The following CAND1 variants were observed in gnomAD, a reference collection of about 807,000 sequenced individuals.
CAND1 encodes the protein cullin associated and neddylation dissociated 1, also known as cullin-associated NEDD8-dissociated protein 1.
Under a neutral mutation model 108.5 loss-of-function variants are expected in CAND1, and 7 were observed. The ratio of observed to expected loss-of-function variants is 0.06; its 90% CI spans 0.04 to 0.12. CAND1 has a LOEUF of 0.12. Among genes scored for constraint, CAND1 ranks in the 10% least tolerant of loss-of-function variants. The pLI, the probability that CAND1 is intolerant of heterozygous loss-of-function variation, is 1.00. For synonymous variants in CAND1, 534 were observed against 512.0 expected (o/e 1.04, Z -0.58); for missense variants, 941 against 1,448.7 (o/e 0.65, Z 5.69).
chr12:67,279,369 A>G (rs1320059515), intron 1 of CAND1, among the ~76,000 whole-genome samples: 1 of 152,142 alleles, frequency 6.6e-6, no homozygotes, highest in Non-Finnish European at 1.5e-5. Flanking sequence ...CTGAAGAGAC[A>G]TGGACATGCC....
chr12:67,311,015 T>G (rs1284497303), intron 13 of CAND1: 1 of 152,042 alleles, frequency 6.6e-6, no homozygotes, highest in Non-Finnish European at 1.5e-5. Flanking sequence ...ATGCATTGTG[T>G]CTTTTTCATC....
At chr12:67,304,088 C>T (rs905252660) in intron 8 of CAND1, among the ~76,000 whole-genome samples, 1 of 150,520 alleles carries the variant, frequency 6.6e-6, no homozygotes, top group Non-Finnish European at 1.5e-5. Flanking sequence ...CTCCTGGGTT[C>T]AAGCGATTCT....
chr12:67,300,848 A>C (rs2044818183), intron 7 of CAND1, among the ~76,000 whole-genome samples: 1 of 152,148 alleles, frequency 6.6e-6, no homozygotes, highest in South Asian at 2.1e-4. Context: ...CTTTTGAAGA[A>C]AGCAGTAGCA....
In CAND1 at chr12:67,316,116, T is replaced by C. The variant is rs2045005256; in HGVS notation, c.*3286T>C. 1 of 152,214 alleles carries C rather than the reference T, an allele frequency of 6.6e-6. No homozygotes were observed. The highest frequency in any genetic ancestry group is 1.5e-5 in the Non-Finnish European group (1 of 68,030). 9.4% of individuals were successfully genotyped at this position (152,214 alleles called of 1,614,324 possible). A position where few individuals can be genotyped will look rare whatever the true frequency, so the allele number is the denominator to read the frequency against. ...GATTCTAGCTCTGTTTTAAATTGAATCCTAATTTTCAAACCACTGCTACCC... is the reference window on the plus strand; with the variant it reads ...GATTCTAGCTCTGTTTTAAATTGAACCCTAATTTTCAAACCACTGCTACCC... On this transcript the variant is annotated 3_prime_UTR_variant, in exon 15 of 15. Coordinates refer to ENST00000545606, the MANE Select transcript of CAND1 (RefSeq NM_018448.5).
At chr12:67,278,910 G>C (rs3850600) in intron 1 of CAND1, among the ~76,000 whole-genome samples, 1 of 152,120 alleles carries the variant, frequency 6.6e-6, no homozygotes, top group Non-Finnish European at 1.5e-5. Flanking sequence ...AATTTAAAAA[G>C]TTAATATGCC....
rs368986664 is a variant in CAND1, at chr12:67,314,688, C to T, written c.*1858C>T. 2.0e-5 allele frequency: 3 copies of T among 152,160 alleles called. No individual in the cohort carries two copies. Among genetic ancestry groups the T allele is most frequent in the African/African-American group, 7.2e-5 (3 of 41,440 alleles). The allele number at this position is 152,160 out of a possible 1,614,324, so 9.4% of individuals were successfully genotyped here. A position where few individuals can be genotyped will look rare whatever the true frequency, so the allele number is the denominator to read the frequency against. On this transcript the variant is annotated 3_prime_UTR_variant, in exon 15 of 15. Coordinates refer to ENST00000545606, the MANE Select transcript of CAND1 (RefSeq NM_018448.5). Reference sequence around the variant, plus strand: ...GTAAAGTTAAATCCAAATACTTCAACTGGCTTTTTCTTCAGTTTGTTTGTT... The same window carrying T: ...GTAAAGTTAAATCCAAATACTTCAATTGGCTTTTTCTTCAGTTTGTTTGTT...
rs1175231135 is a variant in CAND1 at position 67,305,391 on chromosome 12, A to C, written c.1723A>C (p.Arg575=). The part of the protein sequence containing the change: ...IKDLFTCTIK[R]LKAADIDQEV... ...AGATCTATTTACCTGTACCATTAAG[A>C]GATTAAAAGCAGCTGACATTGATCA... Residue 575 remains arginine, a synonymous_variant, in exon 10 of 15, where the codon AGA becomes CGA. Transcript: ENST00000545606. The surrounding 1 kb of genome is among the most constrained non-coding windows in gnomAD (Gnocchi z 4.4). 2 of 1,613,954 alleles carry C rather than the reference A, an allele frequency of 1.2e-6. No individual in the cohort carries two copies. The highest frequency in any genetic ancestry group is 1.3e-5 in the African/African-American group (1 of 74,910).
intron 3 of CAND1, among the ~76,000 whole-genome samples, chr12:67,294,358 G>A (rs1023389696): frequency 6.6e-6 from 1 of 151,888 alleles, no homozygotes; most frequent in African/African-American, 2.4e-5. Context: ...CGGAATCTTT[G>A]GGTTGGAAAG....
intron 2 of CAND1, among the ~76,000 whole-genome samples, chr12:67,282,710 A>G (rs1182573854): frequency 1.3e-5 from 2 of 152,210 alleles, no homozygotes; most frequent in African/African-American, 2.4e-5. Flanking sequence ...ACTAATAATA[A>G]AATTCTTAAT....
rs2044978865 is a variant in CAND1 at position 67,313,734 on chromosome 12, C to T, written c.*904C>T. ...ACCCATTTGTGTGTGTGTGATTCCA[C>T]TTAGAAATTCTTAAAACCAGATTTT... On this transcript the variant is annotated 3_prime_UTR_variant, in exon 15 of 15. Coordinates refer to ENST00000545606, the MANE Select transcript of CAND1 (RefSeq NM_018448.5). 1 of 152,522 alleles carries T rather than the reference C, an allele frequency of 6.6e-6. No homozygotes were observed. Among genetic ancestry groups the T allele is most frequent in the African/African-American group, 2.4e-5 (1 of 41,422 alleles). 9.4% of individuals were successfully genotyped at this position (152,522 alleles called of 1,614,324 possible).
rs558627116 is a variant in CAND1 at position 67,310,211 on chromosome 12, A to G, written c.3255A>G (p.Ala1085=). ...ATGGTCTGGATATTAGAAAGGCAGC[A>G]TTTGAGTGTATGTACACACTTCTAG... ...VDDGLDIRKA[A]FECMYTLLDS... Residue 1085 remains alanine (A), a synonymous_variant, in exon 13 of 15, where the codon GCA becomes GCG. Transcript: ENST00000545606. 33 of 1,612,656 alleles carry G rather than the reference A, an allele frequency of 2.0e-5. No homozygotes were observed. The highest frequency in any genetic ancestry group is 2.7e-5 in the Non-Finnish European group (32 of 1,178,932).
Position 67,312,686 on chromosome 12 carries a change from G to A in CAND1, c.3549G>A (p.Leu1183=), listed in dbSNP as rs1060350. ...KRSAMRAVAA[L]LTIPEAEKSP... The stretch of plus-strand genomic sequence containing the variant: ...CTGCCATGAGAGCAGTAGCAGCACT[G>A]CTAACCATTCCAGAAGCAGAGAAGA... The change falls in exon 15 of 15, where the codon CTG becomes CTA. Residue 1183 remains leucine, a synonymous_variant. Coordinates refer to ENST00000545606, the MANE Select transcript of CAND1 (RefSeq NM_018448.5). 905,811 of 1,612,692 alleles carry A rather than the reference G, an allele frequency of 0.56. 260,499 individuals are homozygous for A. Among genetic ancestry groups the A allele is most frequent in the Non-Finnish European group, 0.6 (705,090 of 1,179,142 alleles).
In CAND1 at chr12:67,318,678, A is replaced by G. The variant is rs1367221390; in HGVS notation, c.*5848A>G. The G allele has an allele frequency of 6.6e-6, 1 of 152,162 alleles. No individual in the cohort carries two copies. The highest frequency in any genetic ancestry group is 1.5e-5 in the Non-Finnish European group (1 of 68,032). The allele number at this position is 152,162 out of a possible 1,614,324, so 9.4% of individuals were successfully genotyped here. A position where few individuals can be genotyped will look rare whatever the true frequency, so the allele number is the denominator to read the frequency against. On this transcript the variant is annotated 3_prime_UTR_variant, in exon 15 of 15. Transcript: ENST00000545606. ...CTAATCGTTATTTTTGTGTTCATTC[A>G]TTTAGCAAGCCAATTTATTACGCGC...
chr12:67,292,068 T>C (rs2044727412), intron 2 of CAND1, among the ~76,000 whole-genome samples: 1 of 152,140 alleles, frequency 6.6e-6, no homozygotes, highest in South Asian at 2.1e-4. Flanking sequence ...GGTTTCACCA[T>C]GTTGGCCAGG....
rs1041677066 is a variant in CAND1, at chr12:67,269,660, G to A, written c.-58G>A. On this transcript the variant is annotated 5_prime_UTR_variant, in exon 1 of 15. Transcript: ENST00000545606. ...AGCTCCAGTGGCGGCGGCGGCGGCG[G>A]CAGCGGCAGCGGGCAGCAGCTCCAG... 8 of 1,478,436 alleles carry A rather than the reference G, an allele frequency of 5.4e-6. No individual in the cohort carries two copies. In the African/African-American group the frequency reaches 1.0e-4, roughly 19 times the overall value. 91.6% of individuals were successfully genotyped at this position (1,478,436 alleles called of 1,614,324 possible).
Position 67,306,353 on chromosome 12 carries a change from C to A in CAND1, c.2685C>A (p.Val895=). 1 of 1,614,120 alleles carries A rather than the reference C, an allele frequency of 6.2e-7. No homozygotes were observed. The highest frequency in any genetic ancestry group is 8.5e-7 in the Non-Finnish European group (1 of 1,179,984). The change falls in exon 10 of 15, where the codon GTC becomes GTA. Residue 895 remains valine, a synonymous_variant. Transcript: ENST00000545606. ...VGNLPEYLPF[V]LQEITSQPKR... ...ACCTTCCTGAATATCTGCCGTTTGT[C>A]CTGCAAGAAATAACTAGTCAACCCA...
chr12:67,292,926 C>A, intron 3 of CAND1, 150 bp downstream of exon 3: 1 of 649,384 alleles, frequency 1.5e-6, no homozygotes, highest in Non-Finnish European at 2.7e-6. Flanking sequence ...AAAATTAAAG[C>A]GTGAAGCCTT....
rs1485239793 is a variant in CAND1, at chr12:67,306,032, A to G, written c.2364A>G (p.Thr788=). ...MLTGPVYSQS[T]ALTHKQSYYS... is the part of the protein sequence containing the mutation. ...CTGGTCCAGTTTACTCTCAGAGCACAGCTCTTACTCATAAGCAGTCTTATT... is the reference window on the plus strand; with the variant it reads ...CTGGTCCAGTTTACTCTCAGAGCACGGCTCTTACTCATAAGCAGTCTTATT... Residue 788 remains threonine, a synonymous_variant, in exon 10 of 15, where the codon ACA becomes ACG. Coordinates refer to ENST00000545606, the MANE Select transcript of CAND1 (RefSeq NM_018448.5). 10 of 1,613,944 alleles carry G rather than the reference A, an allele frequency of 6.2e-6. No individual in the cohort carries two copies. Among genetic ancestry groups the G allele is most frequent in the Non-Finnish European group, 8.5e-6 (10 of 1,179,918 alleles).
chr12:67,279,295 G>C (rs966014123), intron 1 of CAND1, among the ~76,000 whole-genome samples: 2 of 151,976 alleles, frequency 1.3e-5, no homozygotes, highest in African/African-American at 2.4e-5. Context: ...ATATGCTCTT[G>C]AGTAGTGTTT....
Sources: allele counts gnomAD v4.1 joint callset (sites outside exome capture counted in the v4.1 genomes callset), GRCh38; gene constraint gnomAD v4.1.1; non-coding constraint Gnocchi (gnomAD v3.1); transcripts MANE v1.5; gene names NCBI Gene and HGNC (gene_info 2026-07-23, HGNC 2026-07-21).